Variants in TRAP1 observed in about 807,000 individuals in gnomAD.
TRAP1 encodes TNF receptor associated protein 1, also known as heat shock protein 75 kDa, mitochondrial.
In TRAP1, 102 loss-of-function variants were observed where a neutral mutation model predicts 89.1. The observed-to-expected ratio is 1.15, with a 90% CI of 0.98 to 1.35. The LOEUF (loss-of-function observed/expected upper bound fraction) is 1.35, where lower values mean the gene tolerates loss of function less well. TRAP1 is among the 40% of genes most tolerant of loss of function. The pLI is 0.00. For synonymous variants in TRAP1, 508 were observed against 388.0 expected, an observed-to-expected ratio of 1.31 and a Z score of -3.64; for missense variants, 1,256 against 945.3, an observed-to-expected ratio of 1.33 and a Z score of -4.31.
chr16:3,699,397 G>A (rs926126200), intron 1 of TRAP1, among the ~76,000 whole-genome samples: 3 of 152,174 alleles, frequency 2.0e-5, no homozygotes, highest in Non-Finnish European at 2.9e-5. Flanking sequence ...AGCACTTTGG[G>A]AGGCCGAGGC....
intron 1 of TRAP1, among the ~76,000 whole-genome samples, chr16:3,716,464 A>C (rs2051599125): frequency 6.6e-6 from 1 of 152,230 alleles, no homozygotes; most frequent in Non-Finnish European, 1.5e-5. Context: ...CACTAATAGG[A>C]CAATGTTTAA....
At chr16:3,702,660 A>G (rs1451987763) in intron 1 of TRAP1, among the ~76,000 whole-genome samples, 1 of 151,606 alleles carries the variant, frequency 6.6e-6, no homozygotes, top group African/African-American at 2.4e-5. Flanking sequence ...CGGAAGGATC[A>G]CTTGAGACCA....
At chr16:3,658,732 AGGCAGGCT>A in intron 17 of TRAP1, 53 bp downstream of exon 17, 1 of 1,505,142 alleles carries the variant, frequency 6.6e-7, no homozygotes, top group South Asian at 1.2e-5. Flanking sequence ...TCCACCCTGA[AGGCAGGCT>A]GGCAGGGCTG....
chr16:3,667,547 T>C (rs182454015), intron 11 of TRAP1, among the ~76,000 whole-genome samples: 1 of 150,680 alleles, frequency 6.6e-6, no homozygotes, highest in East Asian at 2.0e-4. Flanking sequence ...ATCGCTTGAA[T>C]CCGGGAGGCA....
At chr16:3,662,224 C>A in intron 15 of TRAP1, 92 bp from the exon 16 acceptor site, 3 of 1,489,620 alleles carry the variant, frequency 2.0e-6, no homozygotes, top group South Asian at 1.3e-5. Flanking sequence ...ACCCAGACCA[C>A]GAGGTAGCAG....
Position 3,658,484 on chromosome 16 carries a change from C to T in TRAP1, c.2014-254G>A, listed in dbSNP as rs2042855215. The stretch of plus-strand genomic sequence containing the variant: ...GGCTCACGAGGTCAGGAGATTGAGA[C>T]CATCCTGGCCAAGATGGTGAAAACC... On this transcript the variant is annotated intron_variant, in intron 17 of 17. Transcript: ENST00000246957. 4 of 575,562 alleles carry T rather than the reference C, an allele frequency of 6.9e-6. No homozygotes were observed. In the East Asian group the frequency reaches 1.2e-4, roughly 17 times the overall value. 35.7% of individuals were successfully genotyped at this position (575,562 alleles called of 1,614,324 possible). A position where few individuals can be genotyped will look rare whatever the true frequency, so the allele number is the denominator to read the frequency against.
chr16:3,704,266 A>C (rs2051409426), intron 1 of TRAP1: 1 of 152,102 alleles, frequency 6.6e-6, no homozygotes, highest in Non-Finnish European at 1.5e-5. Flanking sequence ...AATCGCTTGA[A>C]CCTGGGAGGC....
chr16:3,705,392 C>G (rs1418252740), intron 1 of TRAP1, among the ~76,000 whole-genome samples: 3 of 151,862 alleles, frequency 2.0e-5, no homozygotes, highest in African/African-American at 7.3e-5. Flanking sequence ...TTTTATCACC[C>G]CAAAAGAAGC....
intron 2 of TRAP1, among the ~76,000 whole-genome samples, chr16:3,690,516 C>A (rs961282171): frequency 6.6e-6 from 1 of 152,218 alleles, no homozygotes; most frequent in African/African-American, 2.4e-5. Flanking sequence ...CCTGCGCAGA[C>A]TGGGCCAATG....
rs537763912 is a variant in TRAP1 at position 3,662,457 on chromosome 16, C to T, written c.1795-325G>A. The T allele has an allele frequency of 3.2e-4, 170 of 532,110 alleles. 1 individual carries two copies. Among genetic ancestry groups the T allele is most frequent in the African/African-American group, 1.2e-3 (62 of 52,682 alleles). The allele number at this position is 532,110 out of a possible 1,614,324, so 33.0% of individuals were successfully genotyped here. A position where few individuals can be genotyped will look rare whatever the true frequency, so the allele number is the denominator to read the frequency against. ...TTCCTCCAAGTGACCATGCATGGGA[C>T]GCTCATTTCTCACTCTGAGCTAGAC... On this transcript the variant is annotated intron_variant, in intron 15 of 17. Transcript: ENST00000246957.
chr16:3,690,720 C>T, intron 2 of TRAP1, 107 bp downstream of exon 2: 1 of 1,193,238 alleles, frequency 8.4e-7, no homozygotes, highest in South Asian at 3.0e-5. Context: ...TGATTTCACA[C>T]CTAAGGCGGT....
chr16:3,681,808 C>T (rs982244598), intron 4 of TRAP1, among the ~76,000 whole-genome samples: 2 of 152,130 alleles, frequency 1.3e-5, no homozygotes, highest in Non-Finnish European at 2.9e-5. Context: ...AACTGATCTG[C>T]ACTGCAATCC....
chr16:3,679,731 T>C lies in TRAP1; in HGVS notation c.531A>G (p.Arg177=), dbSNP rs747772955. 37 of 1,614,114 alleles carry C rather than the reference T, an allele frequency of 2.3e-5. No homozygotes were observed. In the East Asian group the frequency reaches 8.2e-4, roughly 36 times the overall value. ...GCCCCACGCTTACCTTTGACCCCGA[T>C]CTGGCAATCGTCCCCAGGTTGGACA... ...ELVSNLGTIA[R]SGSKAFLDAL... The change falls in exon 5 of 18, where the codon AGA becomes AGG. Residue 177 remains arginine, a synonymous_variant. Transcript: ENST00000246957.
At chr16:3,704,342 AAAAC>A (rs1239411699) in intron 1 of TRAP1, 3 of 152,248 alleles carry the variant, frequency 2.0e-5, no homozygotes, top group East Asian at 1.9e-4. Flanking sequence ...ACTCTGTCTC[AAAAC>A]AAACAAAACG....
Position 3,674,430 on chromosome 16 carries a change from A to G in TRAP1, c.953T>C (p.Val318Ala), listed in dbSNP as rs1348159056. ...EWQHEEFYRY[V>A]AQAHDKPRYT... ...GCGGGGCTTGTCGTGAGCCTGCGCG[A>G]CGTAGCGGTAGAACTCCTCATGTTG... The change falls in exon 9 of 18, where the codon GTC (valine) becomes GCC (alanine). Residue 318 changes from valine to alanine, a missense_variant. Coordinates refer to ENST00000246957, the MANE Select transcript of TRAP1 (RefSeq NM_016292.3). The G allele has an allele frequency of 6.2e-7, 1 of 1,613,950 alleles. No individual in the cohort carries two copies. The highest frequency in any genetic ancestry group is 2.2e-5 in the East Asian group (1 of 44,884).
chr16:3,703,043 G>GGAAAAAAA (rs564433883), intron 1 of TRAP1, among the ~76,000 whole-genome samples: 2 of 43,498 alleles, frequency 4.6e-5, no homozygotes, highest in African/African-American at 9.1e-5. Flanking sequence ...ACTCCGTCTT[G>GGAAAAAAA]AAAAAAAAAA....
At position 3,690,885 on chromosome 16, in the gene TRAP1, G is replaced by T; in HGVS notation, c.189C>A (p.Thr63=). 1 of 1,586,938 alleles carries T rather than the reference G, an allele frequency of 6.3e-7. No homozygotes were observed. Among genetic ancestry groups the T allele is most frequent in the Non-Finnish European group, 8.6e-7 (1 of 1,166,850 alleles). ...LQAGRLFSTQ[T]AEDKEEPLHS... is the part of the protein sequence containing the mutation. ...GCAGGGGTTCCTCCTTGTCCTCGGC[G>T]GTCTGCGTGCTGAACAGTCGTCCTG... The change falls in exon 2 of 18, where the codon ACC becomes ACA. Residue 63 remains threonine (T), a synonymous_variant. Transcript: ENST00000246957.
intron 1 of TRAP1, among the ~76,000 whole-genome samples, chr16:3,704,870 G>A (rs923352920): frequency 6.0e-5 from 9 of 150,588 alleles, no homozygotes; most frequent in African/African-American, 1.5e-4. Context: ...TTTAATTTCC[G>A]CTGTCACTTA....
At position 3,689,148 on chromosome 16, in the gene TRAP1, A is replaced by C; in HGVS notation, c.248-11T>G. The C allele has an allele frequency of 1.9e-6, 3 of 1,610,474 alleles. No homozygotes were observed. The South Asian group carries it at 3.3e-5, about 18-fold the overall frequency. On this transcript the variant is annotated splice_polypyrimidine_tract_variant and intron_variant, in intron 2 of 17. Coordinates refer to ENST00000246957, the MANE Select transcript of TRAP1 (RefSeq NM_016292.3). ...GTTTGGAAGTGGAACCTAGTAATGA[A>C]ACACAGACACAACCAACAAAGTTTA...
Sources: gnomAD v4.1 joint callset for allele counts (sites outside exome capture counted in the v4.1 genomes callset) on GRCh38, gnomAD v4.1.1 for gene constraint, MANE v1.5 for transcripts, NCBI Gene and HGNC (gene_info 2026-07-23, HGNC 2026-07-21) for gene names.